Variants in PPIP5K2 observed in about 807,000 individuals in gnomAD.
PPIP5K2 encodes the protein inositol hexakisphosphate and diphosphoinositol-pentakisphosphate kinase 2.
PPIP5K2 carries 105 observed loss-of-function variants against 154.6 expected under a neutral mutation model. The observed-to-expected ratio is 0.68, with a 90% CI of 0.58 to 0.80. The LOEUF (loss-of-function observed/expected upper bound fraction) is 0.80. Ranked by LOEUF, PPIP5K2 falls within the 30% of genes least tolerant of loss-of-function variation. The probability of loss-of-function intolerance (pLI) is 0.00; values close to 1 mark genes in which losing one functional copy is unlikely to be tolerated. For missense variants in PPIP5K2, 992 were observed against 1,504.6 expected, an observed-to-expected ratio of 0.66 and a Z score of 5.64; for synonymous variants, 480 against 490.3, an observed-to-expected ratio of 0.98 and a Z score of 0.28.
intron 3 of PPIP5K2, among the ~76,000 whole-genome samples, chr5:103,136,503 A>G (rs921854911): frequency 5.3e-5 from 8 of 152,152 alleles, no homozygotes; most frequent in Non-Finnish European, 1.5e-5. Flanking sequence ...AGTGCTCCAA[A>G]TTTGGTTATA....
chr5:103,148,258 G>T, intron 7 of PPIP5K2: 1 of 532,962 alleles, frequency 1.9e-6, no homozygotes, highest in Non-Finnish European at 3.4e-6. Context: ...GATTATGATG[G>T]AGACAAATTT....
chr5:103,159,122 GTTTTC>G lies in PPIP5K2; in HGVS notation c.1738-20_1738-16del, dbSNP rs1280987128. On this transcript the variant is annotated intron_variant, in intron 16 of 30. Transcript: ENST00000358359. ...TTACGTATTAATTTTTTAAATTCGTGTTTTCTTTATTTAATATGCTTAGGGGCTTT... is the reference window on the plus strand; with the variant it reads ...TTACGTATTAATTTTTTAAATTCGTGTTTATTTAATATGCTTAGGGGCTTT... The G allele has an allele frequency of 6.9e-7, 1 of 1,443,268 alleles. No individual in the cohort carries two copies. The highest frequency in any genetic ancestry group is 9.3e-7 in the Non-Finnish European group (1 of 1,072,688). 89.4% of individuals were successfully genotyped at this position (1,443,268 alleles called of 1,614,324 possible).
intron 20 of PPIP5K2, among the ~76,000 whole-genome samples, chr5:103,173,523 G>A (rs1162975011): frequency 6.6e-6 from 1 of 151,912 alleles, no homozygotes; most frequent in African/African-American, 2.4e-5. Flanking sequence ...CCATCAATGT[G>A]TACCCCATTT....
intron 10 of PPIP5K2, among the ~76,000 whole-genome samples, chr5:103,153,275 T>C (rs1400370002): frequency 6.6e-6 from 1 of 151,862 alleles, no homozygotes; most frequent in South Asian, 2.1e-4. Flanking sequence ...AAGTGTTAAA[T>C]AAAATTTTTT....
intron 25 of PPIP5K2, among the ~76,000 whole-genome samples, 188 bp downstream of exon 25, chr5:103,183,595 G>A (rs1054936654): frequency 2.6e-5 from 4 of 151,938 alleles, no homozygotes; most frequent in Non-Finnish European, 5.9e-5. Context: ...CACTTACATG[G>A]CATGTGTTTA....
chr5:103,197,059 C>T (rs1184931998), intron 30 of PPIP5K2, among the ~76,000 whole-genome samples: 2 of 152,056 alleles, frequency 1.3e-5, no homozygotes, highest in African/African-American at 4.8e-5. Flanking sequence ...AAAATGCTGA[C>T]AAAAGATAGT....
intron 28 of PPIP5K2, chr5:103,189,257 C>T (rs1175806939): frequency 6.8e-7 from 1 of 1,470,526 alleles, no homozygotes; most frequent in East Asian, 2.5e-5. Flanking sequence ...AACATGTCAG[C>T]AGGGTGGCTT....
chr5:103,153,116 T>C (rs1794890004), intron 10 of PPIP5K2, among the ~76,000 whole-genome samples: 1 of 151,908 alleles, frequency 6.6e-6, no homozygotes, highest in Non-Finnish European at 1.5e-5. Context: ...TACTGAAAAT[T>C]ATTCCTTTAA....
intron 17 of PPIP5K2, 57 bp from the exon 18 acceptor site, chr5:103,167,122 T>C (rs1562454831): frequency 1.8e-5 from 24 of 1,312,894 alleles, no homozygotes; most frequent in Non-Finnish European, 2.3e-5. Flanking sequence ...ATATATATTG[T>C]TCTCTTAGAC....
At position 103,205,925 on chromosome 5, in the gene PPIP5K2, A is replaced by G. The variant is rs1803491311; in HGVS notation, c.*4291A>G. 6.6e-6 allele frequency: 1 copy of G among 152,078 alleles called. No homozygotes were observed. Among genetic ancestry groups the G allele is most frequent in the Non-Finnish European group, 1.5e-5 (1 of 67,992 alleles). 9.4% of individuals were successfully genotyped at this position (152,078 alleles called of 1,614,324 possible). A position where few individuals can be genotyped will look rare whatever the true frequency, so the allele number is the denominator to read the frequency against. On this transcript the variant is annotated 3_prime_UTR_variant, in exon 31 of 31. Coordinates refer to ENST00000358359, the MANE Select transcript of PPIP5K2 (RefSeq NM_001276277.3). ...TATTTGTGTCACTTTGTTTTAGGTT[A>G]TTTAATATAGTATATATTGGGTTTT...
At chr5:103,194,857 G>T in intron 29 of PPIP5K2, 43 bp from the exon 30 acceptor site, 1 of 1,577,304 alleles carries the variant, frequency 6.3e-7, no homozygotes, top group East Asian at 2.3e-5. Flanking sequence ...GAGATAATTG[G>T]CAGGAAATTA....
At chr5:103,156,581 A>ATC (rs774956980) in intron 14 of PPIP5K2, among the ~76,000 whole-genome samples, 473 of 152,260 alleles carry the variant, frequency 3.1e-3, no homozygotes, top group Non-Finnish European at 5.5e-3. Context: ...TAGTAATAAT[A>ATC]ATCTGTCTTG....
Position 103,201,699 on chromosome 5 carries a change from T to C in PPIP5K2, c.*65T>C. Reference sequence around the variant, plus strand: ...TAGTATGTTCTTATGTTTCTCCTTATGCATTTATGTGTTCACTTAAAAATG... The same window carrying C: ...TAGTATGTTCTTATGTTTCTCCTTACGCATTTATGTGTTCACTTAAAAATG... On this transcript the variant is annotated 3_prime_UTR_variant, in exon 31 of 31. Transcript: ENST00000358359. 1.8e-6 allele frequency: 2 copies of C among 1,103,044 alleles called. No individual in the cohort carries two copies. The highest frequency in any genetic ancestry group is 5.2e-5 in the East Asian group (2 of 38,422). The allele number at this position is 1,103,044 out of a possible 1,614,324, so 68.3% of individuals were successfully genotyped here.
At chr5:103,166,063 C>A (rs1193863106) in intron 17 of PPIP5K2, among the ~76,000 whole-genome samples, 3 of 151,988 alleles carry the variant, frequency 2.0e-5, no homozygotes, top group Non-Finnish European at 4.4e-5. Context: ...ACTGATTTTA[C>A]CAGGATGACC....
At chr5:103,166,191 G>A (rs1018401249) in intron 17 of PPIP5K2, among the ~76,000 whole-genome samples, 1 of 152,144 alleles carries the variant, frequency 6.6e-6, no homozygotes, top group South Asian at 2.1e-4. Flanking sequence ...GACGCTCAAG[G>A]CATTTTGCTT....
At chr5:103,169,403 C>T (rs1425032810) in intron 19 of PPIP5K2, among the ~76,000 whole-genome samples, 2 of 151,668 alleles carry the variant, frequency 1.3e-5, no homozygotes, top group African/African-American at 2.4e-5. Flanking sequence ...AAAAGCCTAA[C>T]TTATAAATAC....
chr5:103,144,640 C>T (rs1005466971), intron 5 of PPIP5K2, among the ~76,000 whole-genome samples: 4 of 152,086 alleles, frequency 2.6e-5, no homozygotes, highest in African/African-American at 4.8e-5. Context: ...AACTCATTTT[C>T]GACAAAGTTG....
Position 103,146,654 on chromosome 5 carries a change from T to A in PPIP5K2, c.615T>A (p.Gly205=). 1 of 1,611,606 alleles carries A rather than the reference T, an allele frequency of 6.2e-7. No homozygotes were observed. Among genetic ancestry groups the A allele is most frequent in the Non-Finnish European group, 8.5e-7 (1 of 1,178,660 alleles). ...ACATTTATTACCCAACTTCTGCTGG[T>A]GGTGGAAGTCAAAGACTCTTTAGAA... ...NVYIYYPTSA[G]GGSQRLFRKI... The change falls in exon 6 of 31, where the codon GGT becomes GGA. Residue 205 remains glycine, a synonymous_variant. Transcript: ENST00000358359.
chr5:103,168,509 T>C (rs1316971813), intron 19 of PPIP5K2, among the ~76,000 whole-genome samples: 3 of 151,880 alleles, frequency 2.0e-5, no homozygotes, highest in African/African-American at 4.8e-5. Context: ...AGTGACTTTT[T>C]TTAGTAGACT....
Sources: allele counts gnomAD v4.1 joint callset (sites outside exome capture counted in the v4.1 genomes callset), GRCh38; gene constraint gnomAD v4.1.1; transcripts MANE v1.5; gene names NCBI Gene and HGNC (gene_info 2026-07-23, HGNC 2026-07-21).